SUGCT: variants seen among roughly 807,000 people sequenced by gnomAD.
SUGCT encodes succinyl-CoA:glutarate CoA-transferase.
In SUGCT, 41 loss-of-function variants were observed where a neutral mutation model predicts 55.0. The ratio of observed to expected loss-of-function variants is 0.74; its 90% CI spans 0.58 to 0.97. SUGCT has a LOEUF of 0.97. Ranked by LOEUF, SUGCT falls within the 50% of genes least tolerant of loss-of-function variation. The probability of loss-of-function intolerance (pLI) is 0.00; values close to 1 mark genes in which losing one functional copy is unlikely to be tolerated. For missense variants in SUGCT, 568 were observed against 547.8 expected (o/e 1.04, Z -0.37); for synonymous variants, 187 against 200.4 (o/e 0.93, Z 0.56).
chr7:40,920,415 C>A, the SUGCT span, among the ~76,000 whole-genome samples: 1 of 152,158 alleles, frequency 6.6e-6, no homozygotes, highest in Admixed American at 6.5e-5. Context: ...TCTGCTATCA[C>A]CTGACCTGTA....
rs541863195 is a variant in SUGCT at position 40,649,402 on chromosome 7, G to A, written c.1090-100032G>A. On this transcript the variant is annotated intron_variant, in intron 12 of 13. Coordinates refer to ENST00000335693, the MANE Select transcript of SUGCT (RefSeq NM_001193313.2). ...CATGTCACACCTCTGCTTTACAGAT[G>A]GGGGGGGAAGGATTGAGAGATTATG... Among the ~76,000 whole-genome samples, 6 of 150,568 alleles carry A rather than the reference G, an allele frequency of 4.0e-5. No homozygotes were observed. In the South Asian group the frequency reaches 1.1e-3, roughly 27 times the overall value.
At chr7:40,865,798 T>C in the SUGCT span, among the ~76,000 whole-genome samples, 105 of 152,300 alleles carry the variant, frequency 6.9e-4, no homozygotes, top group African/African-American at 2.4e-3. Context: ...GAATAGTTTG[T>C]CCCTGGCCAT....
the SUGCT span, among the ~76,000 whole-genome samples, chr7:41,018,124 G>C: frequency 2.0e-5 from 3 of 151,944 alleles, no homozygotes; most frequent in Non-Finnish European, 4.4e-5. Context: ...AGCTCAAGAG[G>C]ACTTTCTGGA....
chr7:40,862,148 G>A (rs905432644), downstream of SUGCT, among the ~76,000 whole-genome samples: 7 of 152,112 alleles, frequency 4.6e-5, no homozygotes, highest in South Asian at 4.1e-4. Context: ...CTAAACATAC[G>A]TAGGATGATA....
At chr7:40,959,811 C>T in the SUGCT span, among the ~76,000 whole-genome samples, 1 of 152,080 alleles carries the variant, frequency 6.6e-6, no homozygotes, top group African/African-American at 2.4e-5. Flanking sequence ...GTGTAGGCAC[C>T]TGAGGGAATC....
At chr7:40,378,131 AAG>A (rs869175217) in intron 9 of SUGCT, among the ~76,000 whole-genome samples, 1 of 49,424 alleles carries the variant, frequency 2.0e-5, no homozygotes, top group Non-Finnish European at 7.4e-5. Context: ...TTTTCCAAAA[AAG>A]ATGGTACATT....
At chr7:40,304,592 A>G (rs1206529693) in intron 8 of SUGCT, among the ~76,000 whole-genome samples, 4 of 150,162 alleles carry the variant, frequency 2.7e-5, no homozygotes. Flanking sequence ...ACCACCCCCC[A>G]CCCTTTCCTG....
At chr7:40,318,678 C>T (rs373093071) in intron 9 of SUGCT, among the ~76,000 whole-genome samples, 3 of 152,330 alleles carry the variant, frequency 2.0e-5, no homozygotes, top group East Asian at 3.9e-4. Flanking sequence ...CTCAAGTGAT[C>T]CACCTGCCTC....
intron 9 of SUGCT, among the ~76,000 whole-genome samples, chr7:40,401,310 C>T (rs150725267): frequency 3.2e-4 from 49 of 152,226 alleles, no homozygotes; most frequent in African/African-American, 1.1e-3. Context: ...GTGCAATTAC[C>T]TTAGACTTTA....
chr7:40,406,688 C>A (rs1291832856), intron 9 of SUGCT, among the ~76,000 whole-genome samples: 1 of 152,150 alleles, frequency 6.6e-6, no homozygotes, highest in Admixed American at 6.5e-5. Context: ...AGTTAATGTA[C>A]ACTATTCTCT....
intron 12 of SUGCT, among the ~76,000 whole-genome samples, chr7:40,518,738 T>C (rs1793379285): frequency 1.3e-5 from 2 of 151,992 alleles, no homozygotes; most frequent in South Asian, 4.2e-4. Flanking sequence ...CCATCTAAAA[T>C]ATGTCTGAAA....
chr7:40,954,025 G>T, the SUGCT span, among the ~76,000 whole-genome samples: 5 of 152,342 alleles, frequency 3.3e-5, no homozygotes, highest in Admixed American at 1.3e-4. Context: ...GCTGCCTTTT[G>T]TTCAGCTATG....
chr7:40,469,615 G>A (rs965132704), intron 11 of SUGCT, among the ~76,000 whole-genome samples: 38 of 152,280 alleles, frequency 2.5e-4, no homozygotes, highest in African/African-American at 8.7e-4. Flanking sequence ...CAATCTCCTC[G>A]TGACCAGGGC....
At chr7:40,743,436 T>C (rs1787569236) in intron 12 of SUGCT, among the ~76,000 whole-genome samples, 1 of 152,240 alleles carries the variant, frequency 6.6e-6, no homozygotes, top group African/African-American at 2.4e-5. Context: ...ATCTACCAGA[T>C]AGTGCCAGAT....
chr7:40,460,103 G>T (rs186801995), intron 11 of SUGCT, among the ~76,000 whole-genome samples: 27 of 152,254 alleles, frequency 1.8e-4, no homozygotes, highest in African/African-American at 6.3e-4. Context: ...AAAGTTATAA[G>T]AACTAAAATT....
chr7:41,001,566 T>G, the SUGCT span, among the ~76,000 whole-genome samples: 1 of 152,156 alleles, frequency 6.6e-6, no homozygotes, highest in Non-Finnish European at 1.5e-5. Context: ...ATCATAGTTT[T>G]GGAGTCTGAA....
chr7:40,961,653 C>T, the SUGCT span, among the ~76,000 whole-genome samples: 3 of 152,274 alleles, frequency 2.0e-5, no homozygotes, highest in Middle Eastern at 3.4e-3. Context: ...AGCTGAGAAC[C>T]CTCGTGGTGA....
chr7:40,948,073 G>A, the SUGCT span, among the ~76,000 whole-genome samples: 3 of 152,296 alleles, frequency 2.0e-5, no homozygotes, highest in Non-Finnish European at 4.4e-5. Context: ...GGCAAAAGAA[G>A]TCATGCCCTT....
At chr7:40,922,179 G>A in the SUGCT span, among the ~76,000 whole-genome samples, 1 of 152,158 alleles carries the variant, frequency 6.6e-6, no homozygotes, top group Non-Finnish European at 1.5e-5. Flanking sequence ...ATTAAGCTTA[G>A]CATTCTTCCA....
Sources: gnomAD v4.1 joint callset for allele counts (sites outside exome capture counted in the v4.1 genomes callset) on GRCh38, gnomAD v4.1.1 for gene constraint, MANE v1.5 for transcripts, NCBI Gene and HGNC (gene_info 2026-07-23, HGNC 2026-07-21) for gene names.